Variants in IGSF10 observed in about 807,000 individuals in gnomAD.
IGSF10 encodes calvaria mechanical force protein 608.
Under a neutral mutation model 128.2 loss-of-function variants are expected in IGSF10, and 126 were observed. The ratio of observed to expected loss-of-function variants is 0.98; its 90% CI spans 0.85 to 1.14. The LOEUF (loss-of-function observed/expected upper bound fraction) is 1.14. Ranked by LOEUF, IGSF10 falls within the 50% of genes most tolerant of loss-of-function variation. The pLI is 0.00. For missense variants in IGSF10, 3,295 were observed against 3,149.8 expected (o/e 1.05, Z -1.10); for synonymous variants, 1,185 against 1,146.2 (o/e 1.03, Z -0.68).
the IGSF10 span, among the ~76,000 whole-genome samples, chr3:151,476,497 T>G: frequency 6.6e-6 from 1 of 152,162 alleles, no homozygotes; most frequent in Non-Finnish European, 1.5e-5. Context: ...GATGGCCTCT[T>G]TCTCGATCTT....
downstream of IGSF10, chr3:151,435,077 T>C (rs75975383): frequency 5.3e-5 from 8 of 150,918 alleles, no homozygotes; most frequent in South Asian, 4.2e-4. Context: ...TTTTTTTTTT[T>C]TTTTTCTTTT....
At chr3:151,533,763 A>G in the IGSF10 span, among the ~76,000 whole-genome samples, 1 of 152,364 alleles carries the variant, frequency 6.6e-6, no homozygotes, top group African/African-American at 2.4e-5. Flanking sequence ...TCATGACTAA[A>G]ACACCAAAAG....
the IGSF10 span, among the ~76,000 whole-genome samples, chr3:151,485,709 T>C: frequency 5.9e-5 from 9 of 152,084 alleles, no homozygotes; most frequent in African/African-American, 1.9e-4. Flanking sequence ...CTAAGCTTCA[T>C]AAACAAAGGA....
At chr3:151,514,945 G>A in the IGSF10 span, among the ~76,000 whole-genome samples, 455 of 152,178 alleles carry the variant, frequency 3.0e-3, 4 homozygotes, top group African/African-American at 0.01. Context: ...TTAGAATGGC[G>A]ATCATTAAAA....
upstream of IGSF10, among the ~76,000 whole-genome samples, chr3:151,462,298 C>T (rs963712215): frequency 2.0e-5 from 3 of 152,086 alleles, no homozygotes; most frequent in Non-Finnish European, 4.4e-5. Flanking sequence ...CTTTGGACTT[C>T]GTTAAGATCA....
chr3:151,434,771 A>G, downstream of IGSF10: 1 of 152,390 alleles, frequency 6.6e-6, no homozygotes, highest in East Asian at 1.9e-4. Flanking sequence ...TCAGCATTGC[A>G]AACAACAGTA....
chr3:151,440,463 A>C (rs989595781), intron 7 of IGSF10: 8 of 432,132 alleles, frequency 1.9e-5, no homozygotes, highest in Non-Finnish European at 3.7e-5. Context: ...CAATACAAAT[A>C]CACCTAAAGG....
the IGSF10 span, among the ~76,000 whole-genome samples, chr3:151,611,889 A>G: frequency 6.6e-6 from 1 of 152,216 alleles, no homozygotes; most frequent in African/African-American, 2.4e-5. Context: ...CAAGTTGACC[A>G]AGAACTATGT....
the IGSF10 span, among the ~76,000 whole-genome samples, chr3:151,586,871 G>A: frequency 6.6e-6 from 1 of 151,970 alleles, no homozygotes; most frequent in Admixed American, 6.6e-5. Flanking sequence ...ATGGAGAGGG[G>A]GGGAAAACAC....
chr3:151,460,047 A>G (rs1231113152), intron 2 of IGSF10, among the ~76,000 whole-genome samples: 1 of 152,226 alleles, frequency 6.6e-6, no homozygotes, highest in African/African-American at 2.4e-5. Context: ...GCTTTGTATG[A>G]TTGGAGACAG....
the IGSF10 span, among the ~76,000 whole-genome samples, chr3:151,526,164 G>T: frequency 2.0e-5 from 3 of 152,192 alleles, no homozygotes; most frequent in African/African-American, 7.2e-5. Flanking sequence ...TGAGCTACCT[G>T]TTGAAGAGAT....
chr3:151,523,041 A>T, the IGSF10 span, among the ~76,000 whole-genome samples: 1 of 152,188 alleles, frequency 6.6e-6, no homozygotes, highest in African/African-American at 2.4e-5. Context: ...ATTGAGAGCA[A>T]ATCAGAAAGG....
chr3:151,457,465 A>G (rs1721849794), intron 3 of IGSF10, among the ~76,000 whole-genome samples: 1 of 151,958 alleles, frequency 6.6e-6, no homozygotes, highest in Non-Finnish European at 1.5e-5. Flanking sequence ...ACCTTTTTCT[A>G]TTTGTGAACA....
chr3:151,552,639 T>C, the IGSF10 span, among the ~76,000 whole-genome samples: 2 of 152,182 alleles, frequency 1.3e-5, no homozygotes, highest in South Asian at 2.1e-4. Flanking sequence ...ACAATGTTCC[T>C]ATAAATCTTT....
the IGSF10 span, among the ~76,000 whole-genome samples, chr3:151,575,371 G>A: frequency 6.6e-6 from 1 of 152,150 alleles, no homozygotes; most frequent in African/African-American, 2.4e-5. Context: ...GAGCTGCGGT[G>A]GGCTCCATCT....
At chr3:151,488,172 C>T in the IGSF10 span, among the ~76,000 whole-genome samples, 804 of 151,998 alleles carry the variant, frequency 5.3e-3, 7 homozygotes, top group African/African-American at 0.018. Flanking sequence ...ACAAGCATTC[C>T]TATACATCAA....
At chr3:151,441,454 GAATT>G (rs1479461087) in intron 7 of IGSF10, among the ~76,000 whole-genome samples, 1 of 151,962 alleles carries the variant, frequency 6.6e-6, no homozygotes, top group Non-Finnish European at 1.5e-5. Context: ...AAAAACTTGA[GAATT>G]AACATTTACT....
chr3:151,464,596 C>T (rs1441466711), upstream of IGSF10, among the ~76,000 whole-genome samples: 1 of 152,152 alleles, frequency 6.6e-6, no homozygotes, highest in Admixed American at 6.5e-5. Flanking sequence ...TTAAAACTGA[C>T]TTATATATGT....
the IGSF10 span, among the ~76,000 whole-genome samples, chr3:151,510,230 G>T: frequency 6.6e-6 from 1 of 152,200 alleles, no homozygotes. Flanking sequence ...ACCCCCAGTA[G>T]GGGCGGACTG....
Sources: allele counts gnomAD v4.1 joint callset (sites outside exome capture counted in the v4.1 genomes callset), GRCh38; gene constraint gnomAD v4.1.1; transcripts MANE v1.5; gene names NCBI Gene and HGNC (gene_info 2026-07-23, HGNC 2026-07-21).